Variants in ABI3BP observed in about 807,000 individuals in gnomAD.
ABI3BP encodes the protein target of Nesh-SH3.
A neutral mutation model predicts 268.6 loss-of-function variants in ABI3BP; 216 were observed. That is an observed-to-expected ratio of 0.80 (90% CI 0.72 to 0.90). ABI3BP has a LOEUF of 0.90. Among genes scored for constraint, ABI3BP ranks in the 40% least tolerant of loss-of-function variants. The probability of loss-of-function intolerance (pLI) is 0.00; values close to 1 mark genes in which losing one functional copy is unlikely to be tolerated. For missense variants in ABI3BP, 2,090 were observed against 2,182.4 expected, an observed-to-expected ratio of 0.96 and a Z score of 0.84; for synonymous variants, 730 against 730.0, an observed-to-expected ratio of 1.00 and a Z score of 0.00.
chr3:100,916,427 G>A (rs1428024143), intron 2 of ABI3BP, among the ~76,000 whole-genome samples: 2 of 152,142 alleles, frequency 1.3e-5, no homozygotes, highest in Non-Finnish European at 2.9e-5. Flanking sequence ...CAAAAGTACT[G>A]GAACACTTAT....
At chr3:100,757,728 T>TA (rs2095699347) in intron 63 of ABI3BP, among the ~76,000 whole-genome samples, 1 of 152,140 alleles carries the variant, frequency 6.6e-6, no homozygotes, top group Admixed American at 6.5e-5. Context: ...ATTAAAAACA[T>TA]ACAACAAATA....
At chr3:100,865,115 A>C (rs1236081096) in intron 10 of ABI3BP, among the ~76,000 whole-genome samples, 1 of 152,124 alleles carries the variant, frequency 6.6e-6, no homozygotes, top group Admixed American at 6.6e-5. Context: ...TTTGCTTTCT[A>C]TCCAAAAGAG....
chr3:100,934,734 T>A (rs201144864), intron 1 of ABI3BP, among the ~76,000 whole-genome samples: 1 of 53,918 alleles, frequency 1.9e-5, no homozygotes, highest in Non-Finnish European at 3.6e-5. Flanking sequence ...TAATAACCAG[T>A]GATGATGAGC....
intron 31 of ABI3BP, 90 bp from the exon 32 acceptor site, chr3:100,830,724 A>T: frequency 9.5e-7 from 1 of 1,051,182 alleles, no homozygotes; most frequent in Non-Finnish European, 1.4e-6. Flanking sequence ...TCGGATTTCT[A>T]AGGCTGCAAA....
chr3:100,964,443 CCTCT>C (rs1221582781), intron 1 of ABI3BP, among the ~76,000 whole-genome samples: 2 of 152,128 alleles, frequency 1.3e-5, no homozygotes, highest in Admixed American at 6.5e-5. Flanking sequence ...TGCTCAGAGA[CCTCT>C]CTCTCTATGG....
intron 2 of ABI3BP, among the ~76,000 whole-genome samples, chr3:100,917,121 T>C (rs1178052249): frequency 1.3e-5 from 2 of 152,180 alleles, no homozygotes; most frequent in African/African-American, 2.4e-5. Context: ...CCTAGCAAAC[T>C]CTGGGTAGTC....
Position 100,818,727 on chromosome 3 carries a change from C to G in ABI3BP, c.3032-146G>C. 3 of 697,460 alleles carry G rather than the reference C, an allele frequency of 4.3e-6. No individual in the cohort carries two copies. In the South Asian group the frequency reaches 5.8e-5, roughly 14 times the overall value. The allele number at this position is 697,460 out of a possible 1,614,324, so 43.2% of individuals were successfully genotyped here. The stretch of plus-strand genomic sequence containing the variant: ...TTTGAAGACTTGGCCATCTTATAGC[C>G]AGATAAACAATTTTTTTAAAAGGCA... On this transcript the variant is annotated intron_variant, in intron 40 of 67. Transcript: ENST00000471714.
chr3:100,921,338 A>G (rs1463415978), intron 2 of ABI3BP, among the ~76,000 whole-genome samples: 1 of 152,218 alleles, frequency 6.6e-6, no homozygotes, highest in Non-Finnish European at 1.5e-5. Flanking sequence ...TGCAGGTGAC[A>G]CTGATTAAAG....
Position 100,832,353 on chromosome 3 carries a change from G to A in ABI3BP, c.2315-3C>T, listed in dbSNP as rs963972266. On this transcript the variant is annotated splice_region_variant and splice_polypyrimidine_tract_variant and intron_variant, in intron 30 of 67. Coordinates refer to ENST00000471714, the MANE Select transcript of ABI3BP (RefSeq NM_001375547.2). ...TCTTTTTGTTGTTGTTGTTGGAGCT[G>A]AAGGAAGAAAATTTAGGATTAATAT... The A allele has an allele frequency of 1.3e-6, 2 of 1,535,188 alleles. No homozygotes were observed. The highest frequency in any genetic ancestry group is 2.7e-5 in the African/African-American group (2 of 72,992).
chr3:100,961,390 G>A (rs1251985297), intron 1 of ABI3BP, among the ~76,000 whole-genome samples: 3 of 152,202 alleles, frequency 2.0e-5, no homozygotes, highest in Non-Finnish European at 4.4e-5. Context: ...AGAGTGGAGT[G>A]AGGTTGACCG....
chr3:100,756,777 T>G (rs75936997), intron 63 of ABI3BP, among the ~76,000 whole-genome samples: 3 of 4,698 alleles, frequency 6.4e-4, no homozygotes, highest in Non-Finnish European at 7.3e-3. Flanking sequence ...ACTTTTTGGG[T>G]TTTTTTTTTT....
At chr3:100,962,333 G>A (rs1227703806) in intron 1 of ABI3BP, among the ~76,000 whole-genome samples, 1 of 152,044 alleles carries the variant, frequency 6.6e-6, no homozygotes, top group Non-Finnish European at 1.5e-5. Context: ...TAATTACTCT[G>A]TCTATACTCT....
intron 28 of ABI3BP, 24 bp downstream of exon 28, chr3:100,835,577 C>T: frequency 6.6e-7 from 1 of 1,517,212 alleles, no homozygotes; most frequent in Non-Finnish European, 8.8e-7. Flanking sequence ...AAAACTCATA[C>T]TTAAAGACAT....
At chr3:100,831,740 T>A (rs1560559508) in intron 31 of ABI3BP, among the ~76,000 whole-genome samples, 1 of 152,168 alleles carries the variant, frequency 6.6e-6, no homozygotes, top group African/African-American at 2.4e-5. Context: ...TCTATGCTGG[T>A]TTCTAATTAT....
chr3:100,838,135 G>T, intron 26 of ABI3BP, 75 bp downstream of exon 26: 1 of 1,408,366 alleles, frequency 7.1e-7, no homozygotes, highest in Non-Finnish European at 9.7e-7. Context: ...TATATGATAT[G>T]ACAGATTGGA....
chr3:100,835,497 T>G, intron 28 of ABI3BP, 104 bp downstream of exon 28: 25 of 821,914 alleles, frequency 3.0e-5, no homozygotes, highest in Non-Finnish European at 4.4e-5. Flanking sequence ...AAGAGGATGA[T>G]GAGAAAATCT....
intron 1 of ABI3BP, among the ~76,000 whole-genome samples, chr3:100,930,202 T>C (rs923661774): frequency 2.6e-5 from 4 of 151,908 alleles, no homozygotes; most frequent in Non-Finnish European, 5.9e-5. Flanking sequence ...GTAAAAATGG[T>C]ATATATGTCA....
Position 100,796,421 on chromosome 3 carries a change from G to C in ABI3BP, c.3805C>G (p.Gln1269Glu). ...ATAATTAATTTACCAGGTTCGCTCT[G>C]AGAGACCTCAGGGTATGGTTTATGA... ...LPHKPYPEVS[Q>E]SEPVLQPVTF... The change falls in exon 52 of 68, where the codon CAG becomes GAG. Residue 1269 changes from glutamine to glutamate, a missense_variant. Coordinates refer to ENST00000471714, the MANE Select transcript of ABI3BP (RefSeq NM_001375547.2). 6.3e-7 allele frequency: 1 copy of C among 1,594,964 alleles called. No individual in the cohort carries two copies. Among genetic ancestry groups the C allele is most frequent in the Non-Finnish European group, 8.5e-7 (1 of 1,171,412 alleles).
chr3:100,977,474 C>T (rs2086829715), intron 1 of ABI3BP, among the ~76,000 whole-genome samples: 1 of 152,186 alleles, frequency 6.6e-6, no homozygotes, highest in Non-Finnish European at 1.5e-5. Context: ...AGATGTGCTT[C>T]CCAGATGGCT....
Sources: gnomAD v4.1 joint callset for allele counts (sites outside exome capture counted in the v4.1 genomes callset) on GRCh38, gnomAD v4.1.1 for gene constraint, MANE v1.5 for transcripts, NCBI Gene and HGNC (gene_info 2026-07-23, HGNC 2026-07-21) for gene names.